TRAPPC8: variants seen among roughly 807,000 people sequenced by gnomAD.
The protein encoded by TRAPPC8 is general sporulation gene 1 homolog.
A neutral mutation model predicts 174.3 loss-of-function variants in TRAPPC8; 54 were observed. That is an observed-to-expected ratio of 0.31 (90% CI 0.25 to 0.39). The LOEUF (loss-of-function observed/expected upper bound fraction) is 0.39. TRAPPC8 is among the 10% of genes least tolerant of loss of function. The pLI is 1.00. For missense variants in TRAPPC8, 1,531 were observed against 1,699.1 expected (o/e 0.90, Z 1.74); for synonymous variants, 630 against 579.9 (o/e 1.09, Z -1.24).
At chr18:31,871,795 T>A (rs1361534428) in intron 14 of TRAPPC8, among the ~76,000 whole-genome samples, 2 of 152,176 alleles carry the variant, frequency 1.3e-5, no homozygotes. Context: ...TAATCCTCTA[T>A]TAGGAATTCT....
intron 15 of TRAPPC8, 140 bp from the exon 16 acceptor site, chr18:31,870,642 T>A: frequency 2.1e-6 from 2 of 966,394 alleles, no homozygotes; most frequent in South Asian, 1.8e-5. Context: ...AATGTCCACG[T>A]ATTCAGGATT....
chr18:31,940,380 G>A (rs920194499), intron 1 of TRAPPC8, among the ~76,000 whole-genome samples: 25 of 152,102 alleles, frequency 1.6e-4, no homozygotes, highest in African/African-American at 5.8e-4. Context: ...CTGGAAAATC[G>A]CTTGAACCTG....
At chr18:31,877,987 TC>T (rs1291093230) in intron 12 of TRAPPC8, among the ~76,000 whole-genome samples, 1 of 150,804 alleles carries the variant, frequency 6.6e-6, no homozygotes, top group African/African-American at 2.4e-5. Flanking sequence ...AAGGCCCAAT[TC>T]CCCCTCCCTA....
intron 1 of TRAPPC8, among the ~76,000 whole-genome samples, chr18:31,932,455 A>AC (rs1271138131): frequency 8.2e-4 from 125 of 151,954 alleles, no homozygotes; most frequent in African/African-American, 2.6e-3. Flanking sequence ...AACAACAACA[A>AC]AAAAACAATG....
intron 27 of TRAPPC8, chr18:31,832,495 A>G (rs1406134814): frequency 6.5e-6 from 1 of 153,206 alleles, no homozygotes; most frequent in East Asian, 1.9e-4. Context: ...ACTTAGATCA[A>G]TGAAGAAAAA....
chr18:31,899,313 C>T (rs1276375333), intron 10 of TRAPPC8, among the ~76,000 whole-genome samples: 1 of 152,174 alleles, frequency 6.6e-6, no homozygotes, highest in East Asian at 1.9e-4. Flanking sequence ...ATAGCATTCA[C>T]GATTTCAGAG....
chr18:31,864,532 G>A (rs2034494289), intron 19 of TRAPPC8, 95 bp downstream of exon 19: 1 of 1,182,980 alleles, frequency 8.5e-7, no homozygotes, highest in Non-Finnish European at 1.2e-6. Flanking sequence ...ATAGTTCAAT[G>A]TAATATCAAA....
chr18:31,918,841 G>A (rs531235182), intron 2 of TRAPPC8, among the ~76,000 whole-genome samples: 80 of 152,138 alleles, frequency 5.3e-4, no homozygotes, highest in African/African-American at 1.8e-3. Flanking sequence ...TTGAACTTAC[G>A]TAAAACTTAG....
chr18:31,852,833 GATAA>G (rs1380819641), intron 22 of TRAPPC8, 170 bp from the exon 23 acceptor site: 6 of 613,682 alleles, frequency 9.8e-6, no homozygotes, highest in African/African-American at 7.4e-5. Flanking sequence ...TCTTAAAAAG[GATAA>G]ATTTCAATTT....
chr18:31,930,139 A>C (rs2037787598), intron 2 of TRAPPC8, among the ~76,000 whole-genome samples: 1 of 146,684 alleles, frequency 6.8e-6, no homozygotes, highest in Non-Finnish European at 1.5e-5. Context: ...TTTTTTTTTT[A>C]AACAGAGTCT....
chr18:31,925,296 T>C (rs1406991287), intron 2 of TRAPPC8, among the ~76,000 whole-genome samples: 1 of 151,416 alleles, frequency 6.6e-6, no homozygotes, highest in African/African-American at 2.4e-5. Flanking sequence ...CAACAATTTA[T>C]TACTATCTTC....
intron 1 of TRAPPC8, among the ~76,000 whole-genome samples, chr18:31,940,473 C>CA (rs1483693701): frequency 4.9e-4 from 74 of 151,872 alleles, no homozygotes; most frequent in African/African-American, 1.7e-3. Context: ...CTCCAAAAAA[C>CA]AAAAAACAAA....
At chr18:31,868,604 A>G (rs964607719) in intron 16 of TRAPPC8, among the ~76,000 whole-genome samples, 2 of 152,180 alleles carry the variant, frequency 1.3e-5, no homozygotes, top group African/African-American at 4.8e-5. Context: ...ATCTCATTCA[A>G]ATTATTAACA....
At chr18:31,896,841 C>T (rs2036205562) in intron 11 of TRAPPC8, among the ~76,000 whole-genome samples, 1 of 152,124 alleles carries the variant, frequency 6.6e-6, no homozygotes, top group Non-Finnish European at 1.5e-5. Flanking sequence ...CCAGGCTGGT[C>T]TCAAACTCCT....
At chr18:31,870,791 C>T (rs2034817723) in intron 15 of TRAPPC8, 135 bp downstream of exon 15, 1 of 871,712 alleles carries the variant, frequency 1.1e-6, no homozygotes, top group Non-Finnish European at 1.7e-6. Flanking sequence ...TTTATAAATG[C>T]AGCTCAGTAA....
chr18:31,866,323 C>T (rs892277240), intron 18 of TRAPPC8, among the ~76,000 whole-genome samples: 1 of 151,970 alleles, frequency 6.6e-6, no homozygotes, highest in Non-Finnish European at 1.5e-5. Context: ...ATGCACATAT[C>T]GTGTAGTTTT....
At chr18:31,846,077 T>C (rs2033387474) in intron 26 of TRAPPC8, among the ~76,000 whole-genome samples, 1 of 152,154 alleles carries the variant, frequency 6.6e-6, no homozygotes, top group Non-Finnish European at 1.5e-5. Context: ...AGAGATATAG[T>C]TTCTCTACTC....
At chr18:31,854,679 T>G (rs1162835642) in intron 21 of TRAPPC8, among the ~76,000 whole-genome samples, 3 of 152,270 alleles carry the variant, frequency 2.0e-5, no homozygotes, top group African/African-American at 7.2e-5. Flanking sequence ...TTGAGAATAC[T>G]CATTTTTGGC....
In TRAPPC8 at chr18:31,846,815, T is replaced by C. The variant is rs533433239; in HGVS notation, c.3738A>G (p.Ala1246=). The change falls in exon 26 of 29, where the codon GCA becomes GCG. Residue 1246 remains alanine, a splice_region_variant and synonymous_variant. Coordinates refer to ENST00000283351, the MANE Select transcript of TRAPPC8 (RefSeq NM_014939.5). ...VDLNIVILWK[A]YVVEDSKQLI... is the part of the protein sequence containing the mutation. ...GCTGTTTACTGTCTTCCACAACGTATGCCTAAAAAATGCAAAGTACAAAAA... is the reference window on the plus strand; with the variant it reads ...GCTGTTTACTGTCTTCCACAACGTACGCCTAAAAAATGCAAAGTACAAAAA... The C allele has an allele frequency of 1.9e-6, 3 of 1,609,460 alleles. No individual in the cohort carries two copies. The highest frequency in any genetic ancestry group is 1.7e-6 in the Non-Finnish European group (2 of 1,177,194).
Sources: allele counts gnomAD v4.1 joint callset (sites outside exome capture counted in the v4.1 genomes callset), GRCh38; gene constraint gnomAD v4.1.1; transcripts MANE v1.5; gene names NCBI Gene and HGNC (gene_info 2026-07-23, HGNC 2026-07-21).